The following EFCAB5 variants were observed in gnomAD, a reference collection of about 807,000 sequenced individuals.
The protein encoded by EFCAB5 is EF-hand calcium binding domain 5.
In EFCAB5, 131 loss-of-function variants were observed where a neutral mutation model predicts 167.9. That is an observed-to-expected ratio of 0.78 (90% CI 0.68 to 0.90). The LOEUF (loss-of-function observed/expected upper bound fraction) is 0.90. Ranked by LOEUF, EFCAB5 falls within the 40% of genes least tolerant of loss-of-function variation. The pLI is 0.00. For missense variants in EFCAB5, 1,663 were observed against 1,745.2 expected, an observed-to-expected ratio of 0.95 and a Z score of 0.84; for synonymous variants, 574 against 602.8, an observed-to-expected ratio of 0.95 and a Z score of 0.70.
chr17:30,060,234 A>T (rs530398824), intron 14 of EFCAB5, among the ~76,000 whole-genome samples: 14 of 137,860 alleles, frequency 1.0e-4, no homozygotes, highest in Admixed American at 5.2e-4. Flanking sequence ...ATAAAAAAAA[A>T]TTTAAAAAAA....
intron 7 of EFCAB5, among the ~76,000 whole-genome samples, chr17:30,032,348 C>T (rs537816672): frequency 6.6e-6 from 1 of 152,302 alleles, no homozygotes; most frequent in East Asian, 1.9e-4. Flanking sequence ...GGAATCTGGC[C>T]ACCCCAAAAC....
chr17:30,071,359 C>T (rs1054540975), intron 14 of EFCAB5, among the ~76,000 whole-genome samples: 10 of 130,024 alleles, frequency 7.7e-5, no homozygotes, highest in Non-Finnish European at 1.7e-4. Context: ...GAATAGACAT[C>T]TCTCAAAAGA....
In EFCAB5 at chr17:30,078,373, G is replaced by A; in HGVS notation, c.2896G>A (p.Glu966Lys). The A allele has an allele frequency of 6.2e-7, 1 of 1,614,032 alleles. No individual in the cohort carries two copies. The highest frequency in any genetic ancestry group is 8.5e-7 in the Non-Finnish European group (1 of 1,179,898). Residue 966 changes from glutamate to lysine, a missense_variant, in exon 15 of 23, where the codon GAG (glutamate) becomes AAG (lysine). Glu to Lys is a moderately conservative substitution (Grantham distance 56, BLOSUM62 1). Transcript: ENST00000394835. ...TGTGGAATTTCTGATGAATGCTTTA[G>A]AGAGGAGCCACATTGAGAGTCTGAG... Reference protein sequence around the residue: ...SVVEFLMNALERSHIESLRNS... With the variant: ...SVVEFLMNALKRSHIESLRNS...
At chr17:30,063,399 A>G (rs998417248) in intron 14 of EFCAB5, among the ~76,000 whole-genome samples, 1 of 152,088 alleles carries the variant, frequency 6.6e-6, no homozygotes, top group Non-Finnish European at 1.5e-5. Context: ...TTAGGTTCCC[A>G]TATTGCAACC....
rs150287020 is a variant in EFCAB5, at chr17:30,015,204, C to T, written c.1044+15228C>T. Reference sequence around the variant, plus strand: ...GATGGGCTTCCCTTTGTGGGTAACCCGACTTTTCTCTCTGGCTGCCCTTAG... The same window carrying T: ...GATGGGCTTCCCTTTGTGGGTAACCTGACTTTTCTCTCTGGCTGCCCTTAG... On this transcript the variant is annotated intron_variant, in intron 7 of 22. Coordinates refer to ENST00000394835, the MANE Select transcript of EFCAB5 (RefSeq NM_198529.4). 7.7e-3 allele frequency among the ~76,000 whole-genome samples: 1,176 copies of T among 152,232 alleles called. 11 individuals are homozygous for T. Among genetic ancestry groups the T allele is most frequent in the African/African-American group, 0.023 (972 of 41,502 alleles).
At chr17:30,069,034 G>A in intron 14 of EFCAB5, 1 of 1,401,214 alleles carries the variant, frequency 7.1e-7, no homozygotes, top group Non-Finnish European at 1.0e-6. Flanking sequence ...TGCTGTTCTG[G>A]ATTTCATTGA....
chr17:29,983,413 C>G (rs181540341), intron 4 of EFCAB5, among the ~76,000 whole-genome samples: 5 of 152,278 alleles, frequency 3.3e-5, no homozygotes, highest in Admixed American at 1.3e-4. Context: ...GCCCATTGGC[C>G]AAAGCATGTC....
chr17:30,094,939 C>A (rs921712103), intron 22 of EFCAB5, among the ~76,000 whole-genome samples: 1 of 152,150 alleles, frequency 6.6e-6, no homozygotes, highest in Admixed American at 6.5e-5. Flanking sequence ...TATTCTCTGT[C>A]ACTTTGCCTA....
At chr17:30,057,453 A>C (rs1339538641) in intron 12 of EFCAB5, among the ~76,000 whole-genome samples, 2 of 152,214 alleles carry the variant, frequency 1.3e-5, no homozygotes, top group African/African-American at 4.8e-5. Context: ...TCACATGACC[A>C]TCCATGGCAC....
intron 7 of EFCAB5, among the ~76,000 whole-genome samples, chr17:30,008,050 C>T (rs1189138445): frequency 8.7e-6 from 1 of 114,658 alleles, no homozygotes; most frequent in Non-Finnish European, 1.7e-5. Flanking sequence ...CCCAATCCCC[C>T]AATCTATTAA....
At chr17:29,965,369 A>C (rs781503831) in intron 3 of EFCAB5, among the ~76,000 whole-genome samples, 1 of 151,912 alleles carries the variant, frequency 6.6e-6, no homozygotes, top group African/African-American at 2.4e-5. Context: ...TAACTTCATC[A>C]AGCTTTGTGC....
Position 30,092,172 on chromosome 17 carries a change from A to T in EFCAB5, c.4224+15A>T, listed in dbSNP as rs531331965. On this transcript the variant is annotated intron_variant, in intron 21 of 22. Coordinates refer to ENST00000394835, the MANE Select transcript of EFCAB5 (RefSeq NM_198529.4). The stretch of plus-strand genomic sequence containing the variant: ...AGTGTAAATTTGTAAGTTTTTTTTT[A>T]AAAAGCACCTTTTAAATTGAAGAAT... 2.2e-5 allele frequency: 35 copies of T among 1,592,190 alleles called. No homozygotes were observed. Among genetic ancestry groups the T allele is most frequent in the Admixed American group, 5.3e-5 (3 of 56,318 alleles).
intron 7 of EFCAB5, among the ~76,000 whole-genome samples, chr17:30,017,674 G>C (rs973988428): frequency 1.3e-5 from 2 of 151,990 alleles, no homozygotes; most frequent in African/African-American, 4.8e-5. Flanking sequence ...TCACAAAAGA[G>C]TGCAGTCATT....
chr17:30,067,597 T>C (rs2070608900), intron 14 of EFCAB5, among the ~76,000 whole-genome samples: 1 of 150,626 alleles, frequency 6.6e-6, no homozygotes, highest in South Asian at 2.1e-4. Context: ...CATGACTATC[T>C]CAATAGATGC....
chr17:30,004,537 G>A (rs2068733646), intron 7 of EFCAB5, among the ~76,000 whole-genome samples: 1 of 151,926 alleles, frequency 6.6e-6, no homozygotes, highest in African/African-American at 2.4e-5. Context: ...TGGTCTGTTG[G>A]GCCTGGTTCA....
At chr17:30,083,435 T>A (rs765213430) in intron 18 of EFCAB5, among the ~76,000 whole-genome samples, 31 of 152,322 alleles carry the variant, frequency 2.0e-4, no homozygotes, top group Non-Finnish European at 3.7e-4. Context: ...ACTAAAAGCA[T>A]CCTGTAAAAA....
At position 29,956,938 on chromosome 17, in the gene EFCAB5, T is replaced by G. The variant is rs115792911; in HGVS notation, c.191-11853T>G. 6.4e-3 allele frequency among the ~76,000 whole-genome samples: 977 copies of G among 152,270 alleles called. 5 individuals are homozygous for G. The highest frequency in any genetic ancestry group is 0.023 in the African/African-American group (937 of 41,544). ...TCTTTCTTTCCATTTTGGATGCATT[T>G]TATTTCTTTATCTTATCTGATTACT... On this transcript the variant is annotated intron_variant, in intron 3 of 22. Coordinates refer to ENST00000394835, the MANE Select transcript of EFCAB5 (RefSeq NM_198529.4).
intron 3 of EFCAB5, among the ~76,000 whole-genome samples, chr17:29,950,933 G>C (rs4533340): frequency 0.39 from 58,544 of 151,956 alleles, 13,502 homozygotes; most frequent in East Asian, 0.69. Flanking sequence ...CTATAGACTT[G>C]AATGAATTCC....
At chr17:29,934,524 A>G (rs968579837) in intron 1 of EFCAB5, among the ~76,000 whole-genome samples, 4 of 152,212 alleles carry the variant, frequency 2.6e-5, no homozygotes, top group Admixed American at 2.0e-4. Context: ...TGCTATATAT[A>G]TAAAAAGAGA....
Sources: gnomAD v4.1 joint callset for allele counts (sites outside exome capture counted in the v4.1 genomes callset) on GRCh38, gnomAD v4.1.1 for gene constraint, MANE v1.5 for transcripts, NCBI Gene and HGNC (gene_info 2026-07-23, HGNC 2026-07-21) for gene names.